MTMR12: variants seen among roughly 807,000 people sequenced by gnomAD.
MTMR12 encodes myotubularin related protein 12, also known as myotubularin-related protein 12.
In MTMR12, 33 loss-of-function variants were observed where a neutral mutation model predicts 96.7. The ratio of observed to expected loss-of-function variants is 0.34; its 90% CI spans 0.26 to 0.46. The LOEUF (loss-of-function observed/expected upper bound fraction) is 0.46, where lower values mean the gene tolerates loss of function less well. Ranked by LOEUF, MTMR12 falls within the 20% of genes least tolerant of loss-of-function variation. The pLI is 1.00. For synonymous variants in MTMR12, 298 were observed against 327.2 expected, an observed-to-expected ratio of 0.91 and a Z score of 0.96; for missense variants, 721 against 896.1, an observed-to-expected ratio of 0.80 and a Z score of 2.49.
At chr5:32,250,036 T>C (rs962352435) in intron 8 of MTMR12, among the ~76,000 whole-genome samples, 1 of 152,250 alleles carries the variant, frequency 6.6e-6, no homozygotes, top group Admixed American at 6.5e-5. Flanking sequence ...GCCATTCATC[T>C]GCCAGGTATA....
Position 32,229,687 on chromosome 5 carries a change from C to T in MTMR12, c.*91G>A. 1 of 1,298,594 alleles carries T rather than the reference C, an allele frequency of 7.7e-7. No individual in the cohort carries two copies. Among genetic ancestry groups the T allele is most frequent in the South Asian group, 2.1e-5 (1 of 47,846 alleles). 80.4% of individuals were successfully genotyped at this position (1,298,594 alleles called of 1,614,324 possible). A position where few individuals can be genotyped will look rare whatever the true frequency, so the allele number is the denominator to read the frequency against. On this transcript the variant is annotated 3_prime_UTR_variant, in exon 16 of 16. Transcript: ENST00000382142. ...TCTAACGGAGTGCCGGGCTAAGGACCCAGCCAGCATGAGCTGTAGCGTGAC... is the reference window on the plus strand; with the variant it reads ...TCTAACGGAGTGCCGGGCTAAGGACTCAGCCAGCATGAGCTGTAGCGTGAC...
At chr5:32,247,586 CA>C in intron 10 of MTMR12, 1 of 295,130 alleles carries the variant, frequency 3.4e-6, no homozygotes. Flanking sequence ...TATTCCCAAT[CA>C]GGGGAAAAAA....
chr5:32,280,971 G>T (rs1473035116), intron 1 of MTMR12, among the ~76,000 whole-genome samples: 1 of 151,820 alleles, frequency 6.6e-6, no homozygotes, highest in Non-Finnish European at 1.5e-5. Flanking sequence ...CTCTCGGCAG[G>T]GTGTGGTGGC....
intron 7 of MTMR12, among the ~76,000 whole-genome samples, chr5:32,257,203 C>T (rs796433994): frequency 9.2e-5 from 14 of 152,336 alleles, no homozygotes; most frequent in African/African-American, 3.4e-4. Context: ...AAGTGGCACA[C>T]ACCTGTAGTC....
At chr5:32,296,516 TG>T in intron 1 of MTMR12, 1 of 340,520 alleles carries the variant, frequency 2.9e-6, no homozygotes, top group Non-Finnish European at 6.1e-6. Flanking sequence ...TGTAATTGGC[TG>T]GGCATGGCGA....
intron 15 of MTMR12, among the ~76,000 whole-genome samples, chr5:32,231,572 A>G (rs1747998847): frequency 6.6e-6 from 1 of 152,160 alleles, no homozygotes. Context: ...TCTCTAACAT[A>G]TTTCCATCAA....
intron 1 of MTMR12, among the ~76,000 whole-genome samples, chr5:32,294,183 C>G (rs1165279561): frequency 6.6e-6 from 1 of 152,244 alleles, no homozygotes; most frequent in African/African-American, 2.4e-5. Context: ...ACTGTCCACA[C>G]AGTTCAGGTC....
chr5:32,283,916 C>A (rs1398196775), intron 1 of MTMR12, among the ~76,000 whole-genome samples: 1 of 152,164 alleles, frequency 6.6e-6, no homozygotes, highest in Non-Finnish European at 1.5e-5. Context: ...TTCAAGCCAA[C>A]TGACTCAAGA....
chr5:32,260,037 C>CAA lies in MTMR12; in HGVS notation c.713+3074_713+3075dup, dbSNP rs55822680. ...GGTGACAGAGTGAGACTCAGTCTCC[C>CAA]AAAAAAAAAAAAAAAAAAAGCGGTA... On this transcript the variant is annotated intron_variant, in intron 7 of 15. Coordinates refer to ENST00000382142, the MANE Select transcript of MTMR12 (RefSeq NM_001040446.3). 6.7e-3 allele frequency among the ~76,000 whole-genome samples: 366 copies of CAA among 54,734 alleles called. 2 individuals carry two copies. The highest frequency in any genetic ancestry group is 0.015 in the African/African-American group (233 of 15,900). The allele number at this position is 54,734 out of a possible 152,430, so 35.9% of individuals were successfully genotyped here.
rs771727871 is a variant in MTMR12 at position 32,233,873 on chromosome 5, G to A, written c.1574C>T (p.Ser525Leu). ...PLNLLTVWDWSVQFEPKAQTL... is the reference protein window; with the variant it reads ...PLNLLTVWDWLVQFEPKAQTL... ...CTGGGCTTTGGGTTCAAACTGCACC[G>A]ACCAATCCCACACGGTGAGCAGATT... The change falls in exon 15 of 16, where the codon TCG becomes TTG. Residue 525 changes from serine (S) to leucine (L), a missense_variant. By Grantham distance (145) the Ser-to-Leu change is moderately radical. Transcript: ENST00000382142. This position sits in a 1 kb window ranked among gnomAD's most constrained non-coding sequence, Gnocchi z 5.0. The A allele has an allele frequency of 3.1e-6, 5 of 1,614,020 alleles. No individual in the cohort carries two copies. Among genetic ancestry groups the A allele is most frequent in the African/African-American group, 1.3e-5 (1 of 74,896 alleles).
chr5:32,229,621 AATAAT>A lies in MTMR12; in HGVS notation c.*152_*156del, dbSNP rs1372190082. 1 of 574,054 alleles carries A rather than the reference AATAAT, an allele frequency of 1.7e-6. No individual in the cohort carries two copies. The highest frequency in any genetic ancestry group is 2.8e-6 in the Non-Finnish European group (1 of 361,676). The allele number at this position is 574,054 out of a possible 1,614,324, so 35.6% of individuals were successfully genotyped here. On this transcript the variant is annotated 3_prime_UTR_variant, in exon 16 of 16. Coordinates refer to ENST00000382142, the MANE Select transcript of MTMR12 (RefSeq NM_001040446.3). ...TGCATAGTCTTTTAGAATCATGAAA[AATAAT>A]GAGAGCCACCTCTTTTCCCGAAGGC...
intron 1 of MTMR12, among the ~76,000 whole-genome samples, chr5:32,295,929 A>C (rs1335517603): frequency 5.9e-5 from 9 of 152,084 alleles, no homozygotes; most frequent in Admixed American, 5.9e-4. Context: ...CAAGGCGGGC[A>C]GATCACCTGA....
intron 1 of MTMR12, among the ~76,000 whole-genome samples, chr5:32,305,791 T>C (rs957061825): frequency 6.6e-6 from 1 of 151,852 alleles, no homozygotes; most frequent in Non-Finnish European, 1.5e-5. Context: ...TAATCCCAGC[T>C]ACTCGGGAGG....
At chr5:32,311,251 T>C (rs574350598) in intron 1 of MTMR12, among the ~76,000 whole-genome samples, 3 of 152,286 alleles carry the variant, frequency 2.0e-5, no homozygotes, top group East Asian at 3.9e-4. Flanking sequence ...CAAAGAGAAA[T>C]TGACCACATT....
intron 2 of MTMR12, among the ~76,000 whole-genome samples, chr5:32,274,670 C>T (rs548832764): frequency 2.0e-5 from 3 of 152,310 alleles, no homozygotes; most frequent in African/African-American, 7.2e-5. Flanking sequence ...TTGCCGCCTT[C>T]CACAGCATGA....
In MTMR12 at chr5:32,229,491, T is replaced by G; in HGVS notation, c.*287A>C. 7.5e-6 allele frequency: 2 copies of G among 265,130 alleles called. No individual in the cohort carries two copies. The highest frequency in any genetic ancestry group is 7.1e-6 in the Non-Finnish European group (1 of 141,734). The allele number at this position is 265,130 out of a possible 1,614,324, so 16.4% of individuals were successfully genotyped here. ...GCCCTTTCTGGTAGTAAACTGGCCA[T>G]TGTGGGCTCTGTATAATACTTAGGC... is the stretch of plus-strand genomic sequence containing the variant. On this transcript the variant is annotated 3_prime_UTR_variant, in exon 16 of 16. Transcript: ENST00000382142.
At chr5:32,288,994 C>CTTTG in intron 1 of MTMR12, among the ~76,000 whole-genome samples, 1 of 151,866 alleles carries the variant, frequency 6.6e-6, no homozygotes, top group Non-Finnish European at 1.5e-5. Context: ...AATTGCTTGT[C>CTTTG]TCTGTATGTC....
chr5:32,278,416 G>T (rs986408642), intron 1 of MTMR12, among the ~76,000 whole-genome samples: 4 of 152,100 alleles, frequency 2.6e-5, no homozygotes, highest in Admixed American at 2.6e-4. Context: ...CCCTGGGTGG[G>T]AAATTTTCTG....
At chr5:32,245,036 TG>T (rs1748626604) in intron 10 of MTMR12, among the ~76,000 whole-genome samples, 1 of 152,180 alleles carries the variant, frequency 6.6e-6, no homozygotes, top group Non-Finnish European at 1.5e-5. Context: ...AGGATTTTTG[TG>T]TTTTTTTTGA....
Sources: allele counts gnomAD v4.1 joint callset (sites outside exome capture counted in the v4.1 genomes callset), GRCh38; gene constraint gnomAD v4.1.1; non-coding constraint Gnocchi (gnomAD v3.1); transcripts MANE v1.5; gene names NCBI Gene and HGNC (gene_info 2026-07-23, HGNC 2026-07-21).